The following FANCA variants were observed in gnomAD, a reference collection of about 807,000 sequenced individuals.
The protein encoded by FANCA is Fanconi anemia group A protein.
Under a neutral mutation model 194.3 loss-of-function variants are expected in FANCA, and 236 were observed. The ratio of observed to expected loss-of-function variants is 1.21; its 90% CI spans 1.09 to 1.35. FANCA has a LOEUF of 1.35. Among genes scored for constraint, FANCA ranks in the 40% most tolerant of loss-of-function variants. The pLI is 0.00. For missense variants in FANCA, 2,628 were observed against 1,813.9 expected (o/e 1.45, Z -8.15); for synonymous variants, 1,014 against 715.8 (o/e 1.42, Z -6.65).
At chr16:89,748,275 C>G (rs1598073867) in intron 33 of FANCA, among the ~76,000 whole-genome samples, 3 of 152,068 alleles carry the variant, frequency 2.0e-5, no homozygotes, top group African/African-American at 7.3e-5. Flanking sequence ...GGCTGCCTGG[C>G]AGGCAACAGC....
intron 20 of FANCA, among the ~76,000 whole-genome samples, chr16:89,776,159 C>CTCTT (rs768237452): frequency 2.1e-4 from 20 of 93,306 alleles, no homozygotes; most frequent in East Asian, 1.0e-3. Context: ...CTTTGTTTTT[C>CTCTT]TTTTTTTTTT....
At position 89,770,619 on chromosome 16, in the gene FANCA, G is replaced by A. The variant is rs2039290580; in HGVS notation, c.2167C>T (p.Leu723=). 1.2e-6 allele frequency: 2 copies of A among 1,611,024 alleles called. No individual in the cohort carries two copies. The highest frequency in any genetic ancestry group is 1.3e-5 in the African/African-American group (1 of 74,842). ...ATCAGGTTCTGACAGAAAGACGTCA[G>A]CAGGAGGTCCACAGCCTGCAGAGAC... The part of the protein sequence containing the change: ...PREHMAVDLL[L]TSFCQNLMAA... The change falls in exon 24 of 43, where the codon CTG becomes TTG. Residue 723 remains leucine, a synonymous_variant. Coordinates refer to ENST00000389301, the MANE Select transcript of FANCA (RefSeq NM_000135.4).
intron 21 of FANCA, among the ~76,000 whole-genome samples, chr16:89,774,852 G>A (rs1383798432): frequency 6.6e-6 from 1 of 151,360 alleles, no homozygotes; most frequent in South Asian, 2.1e-4. Context: ...CCAGCACTTT[G>A]AAAGGCCGAG....
Position 89,769,958 on chromosome 16 carries a change from T to A in FANCA, c.2383A>T (p.Arg795Trp). 1 of 1,614,020 alleles carries A rather than the reference T, an allele frequency of 6.2e-7. No homozygotes were observed. Reference protein sequence around the residue: ...AALAVHLGESRSALPEVDVGP... With the variant: ...AALAVHLGESWSALPEVDVGP... ...ACATCCACCTCTGGGAGCGCAGACC[T>A]GGACTCACCCAGGTGCACGGCCAGG... is the stretch of plus-strand genomic sequence containing the variant. The change falls in exon 26 of 43, where the codon AGG becomes TGG. Residue 795 changes from arginine (R) to tryptophan (W), a missense_variant. Physicochemically the swap from Arg to Trp is moderately radical, Grantham distance 101. Transcript: ENST00000389301.
At chr16:89,739,098 G>A (rs1323517444) in intron 41 of FANCA, 35 bp downstream of exon 41, 1 of 1,613,860 alleles carries the variant, frequency 6.2e-7, no homozygotes, top group Non-Finnish European at 8.5e-7. Flanking sequence ...GCTGGGGGGA[G>A]CTCCCCTGGA....
intron 37 of FANCA, among the ~76,000 whole-genome samples, chr16:89,742,028 T>C (rs1233047530): frequency 6.6e-6 from 1 of 151,976 alleles, no homozygotes; most frequent in African/African-American, 2.4e-5. Flanking sequence ...GGCAGTGGCG[T>C]GATCTTGGCT....
chr16:89,761,968 C>T lies in FANCA; in HGVS notation c.2833G>A (p.Ala945Thr), dbSNP rs757996952. 1.5e-5 allele frequency: 24 copies of T among 1,613,886 alleles called. No individual in the cohort carries two copies. Among genetic ancestry groups the T allele is most frequent in the Admixed American group, 8.3e-5 (5 of 59,988 alleles). The change falls in exon 29 of 43, where the codon GCT (alanine) becomes ACT (threonine). Residue 945 changes from alanine to threonine, a missense_variant. Physicochemically the swap from Ala to Thr is moderately conservative, Grantham distance 58. Coordinates refer to ENST00000389301, the MANE Select transcript of FANCA (RefSeq NM_000135.4). ...ACTTACCGTTCAGTATCTGAAAGAGCATCAGCTTCAGGTTGAATTTCCAGC... is the reference window on the plus strand; with the variant it reads ...ACTTACCGTTCAGTATCTGAAAGAGTATCAGCTTCAGGTTGAATTTCCAGC... ...LELEIQPEAD[A>T]LSDTERQDFH...
At chr16:89,740,572 G>C (rs1598056973) in intron 38 of FANCA, 1 of 552,496 alleles carries the variant, frequency 1.8e-6, no homozygotes, top group African/African-American at 1.9e-5. Flanking sequence ...GGAGGCTGAG[G>C]TTGCAGTGAG....
At chr16:89,791,634 T>C (rs2040080621) in intron 13 of FANCA, 98 bp from the exon 14 acceptor site, 2 of 1,520,942 alleles carry the variant, frequency 1.3e-6, no homozygotes, top group Non-Finnish European at 1.8e-6. Context: ...AGAAGGAGAC[T>C]GTGCACACCC....
chr16:89,745,093 A>G (rs1174519049), intron 35 of FANCA, 22 bp from the exon 36 acceptor site: 48 of 1,572,338 alleles, frequency 3.1e-5, no homozygotes, highest in Non-Finnish European at 3.9e-5. Context: ...GCACCAGCAC[A>G]CAGATGAGGG....
chr16:89,738,980 G>C lies in FANCA; in HGVS notation c.4168-6C>G. 6.2e-7 allele frequency: 1 copy of C among 1,614,242 alleles called. No individual in the cohort carries two copies. ...ATCAGTTCCACGGGGTTGCCCTAGA[G>C]AGAAAACAGGCAAACTCACAGGTTA... On this transcript the variant is annotated splice_polypyrimidine_tract_variant and splice_region_variant and intron_variant, in intron 41 of 42. Coordinates refer to ENST00000389301, the MANE Select transcript of FANCA (RefSeq NM_000135.4).
At chr16:89,782,373 G>A (rs182306467) in intron 17 of FANCA, among the ~76,000 whole-genome samples, 274 of 151,896 alleles carry the variant, frequency 1.8e-3, no homozygotes, top group African/African-American at 6.3e-3. Context: ...TTAGCCAGGC[G>A]TGGTGGCGGC....
Position 89,816,548 on chromosome 16 carries a change from G to C in FANCA, c.68C>G (p.Ala23Gly), listed in dbSNP as rs776297241. 10 of 1,507,742 alleles carry C rather than the reference G, an allele frequency of 6.6e-6. No homozygotes were observed. Among genetic ancestry groups the C allele is most frequent in the African/African-American group, 1.4e-5 (1 of 69,110 alleles). 93.4% of individuals were successfully genotyped at this position (1,507,742 alleles called of 1,614,324 possible). The change falls in exon 1 of 43, where the codon GCC (alanine) becomes GGC (glycine). Residue 23 changes from alanine (A) to glycine (G), a missense_variant. By Grantham distance (60) the Ala-to-Gly change is moderately conservative (BLOSUM62 0). Coordinates refer to ENST00000389301, the MANE Select transcript of FANCA (RefSeq NM_000135.4). ...QDPGGRRRAW[A>G]ELLAGRVKRE... ...CCGCGCCCACCTACCCAGCAGCTCGGCCCAGGCCCTCCGGCGGCCCCCTGG... is the reference window on the plus strand; with the variant it reads ...CCGCGCCCACCTACCCAGCAGCTCGCCCCAGGCCCTCCGGCGGCCCCCTGG...
At chr16:89,759,690 G>A (rs922684086) in intron 29 of FANCA, among the ~76,000 whole-genome samples, 2 of 152,350 alleles carry the variant, frequency 1.3e-5, no homozygotes, top group South Asian at 2.1e-4. Flanking sequence ...GAGCTCTGGA[G>A]AGGGAAGCTG....
At chr16:89,816,176 C>G in intron 1 of FANCA, 190 bp from the exon 2 acceptor site, 1 of 640,710 alleles carries the variant, frequency 1.6e-6, no homozygotes, top group South Asian at 1.6e-5. Flanking sequence ...CCGGGGAAGA[C>G]GGCCCAGGAG....
At chr16:89,774,803 C>T (rs2039445490) in intron 21 of FANCA, among the ~76,000 whole-genome samples, 1 of 143,196 alleles carries the variant, frequency 7.0e-6, no homozygotes, top group Non-Finnish European at 1.5e-5. Flanking sequence ...TCTAGAAGAG[C>T]ACACAAGGGG....
Position 89,769,970 on chromosome 16 carries a change from G to A in FANCA, c.2371C>T (p.Leu791=), listed in dbSNP as rs541949982. The A allele has an allele frequency of 6.8e-6, 11 of 1,614,048 alleles. No homozygotes were observed. The African/African-American group carries it at 1.1e-4, about 16-fold the overall frequency. ...VLGLAALAVH[L]GESRSALPEV... ...GGGAGCGCAGACCTGGACTCACCCA[G>A]GTGCACGGCCAGGGCAGCCAACCCC... Residue 791 remains leucine, a synonymous_variant, in exon 26 of 43, where the codon CTG becomes TTG. Coordinates refer to ENST00000389301, the MANE Select transcript of FANCA (RefSeq NM_000135.4).
At chr16:89,806,391 T>C (rs1310365305) in intron 6 of FANCA, among the ~76,000 whole-genome samples, 2 of 149,344 alleles carry the variant, frequency 1.3e-5, no homozygotes, top group Non-Finnish European at 3.0e-5. Context: ...TGGGTGTTTC[T>C]CGCAGAGGGG....
chr16:89,804,764 T>C (rs1215579388), intron 7 of FANCA, among the ~76,000 whole-genome samples: 1 of 152,170 alleles, frequency 6.6e-6, no homozygotes, highest in Non-Finnish European at 1.5e-5. Flanking sequence ...CCAGGCATAG[T>C]GGCTCACGCC....
Sources: allele counts gnomAD v4.1 joint callset (sites outside exome capture counted in the v4.1 genomes callset), GRCh38; gene constraint gnomAD v4.1.1; transcripts MANE v1.5; gene names NCBI Gene and HGNC (gene_info 2026-07-23, HGNC 2026-07-21).